Variants in CAMTA1 observed in about 807,000 individuals in gnomAD.
The protein encoded by CAMTA1 is calmodulin-binding transcription activator 1.
A neutral mutation model predicts 170.9 loss-of-function variants in CAMTA1; 27 were observed. That is an observed-to-expected ratio of 0.16 (90% confidence interval 0.12 to 0.22). The LOEUF (loss-of-function observed/expected upper bound fraction) is 0.22, where lower values mean the gene tolerates loss of function less well. Among genes scored for constraint, CAMTA1 ranks in the 10% least tolerant of loss-of-function variants. The pLI, the probability that CAMTA1 is intolerant of heterozygous loss-of-function variation, is 1.00. For synonymous variants in CAMTA1, 833 were observed against 891.5 expected (o/e 0.93, Z 1.17); for missense variants, 1,619 against 2,217.2 (o/e 0.73, Z 5.42).
At chr1:7,310,383 T>G (rs2149605066) in intron 5 of CAMTA1, among the ~76,000 whole-genome samples, 1 of 152,358 alleles carries the variant, frequency 6.6e-6, no homozygotes, top group Admixed American at 6.5e-5. Context: ...CCATACAGTC[T>G]ATATCACAAC....
intron 9 of CAMTA1, among the ~76,000 whole-genome samples, chr1:7,668,752 C>G (rs989700077): frequency 3.3e-5 from 5 of 152,216 alleles, no homozygotes; most frequent in Non-Finnish European, 7.3e-5. Context: ...CTGATGTTCT[C>G]CAGTAATTTC....
At chr1:7,199,156 GC>G (rs33983090) in intron 4 of CAMTA1, among the ~76,000 whole-genome samples, 98,326 of 151,766 alleles carry the variant, frequency 0.65, 32,426 homozygotes, top group African/African-American at 0.76. Context: ...GTTTACTGAT[GC>G]CCCCCCCAAC....
chr1:7,582,262 C>T (rs1210312050), intron 6 of CAMTA1, among the ~76,000 whole-genome samples: 2 of 152,140 alleles, frequency 1.3e-5, no homozygotes, highest in African/African-American at 2.4e-5. Flanking sequence ...TGTCAGTTTG[C>T]AGAGAGCTCT....
chr1:7,205,331 G>A (rs537752502), intron 4 of CAMTA1, among the ~76,000 whole-genome samples: 4 of 151,570 alleles, frequency 2.6e-5, no homozygotes, highest in Non-Finnish European at 5.9e-5. Flanking sequence ...TTGAACTCCT[G>A]ACCTCAGGTG....
In CAMTA1 at chr1:7,669,143, G is replaced by A. The variant is rs376623982; in HGVS notation, c.2653-1768G>A. ...CCTGAGGACACACAGCTACTGAGGC[G>A]CAGGAGCAGGCCTCCTGCTTTTGTT... On this transcript the variant is annotated intron_variant, in intron 9 of 22. Coordinates refer to ENST00000303635, the MANE Select transcript of CAMTA1 (RefSeq NM_015215.4). Among the ~76,000 whole-genome samples the A allele has an allele frequency of 7.2e-5, 11 of 152,330 alleles. No homozygotes were observed. In the East Asian group the frequency reaches 1.3e-3, roughly 19 times the overall value.
rs536145844 is a variant in CAMTA1, at chr1:7,475,360, G to C, written c.510+7459G>C. 1.3e-5 allele frequency among the ~76,000 whole-genome samples: 2 copies of C among 152,276 alleles called. 1 individual carries two copies. Among genetic ancestry groups the C allele is most frequent in the South Asian group, 4.2e-4 (2 of 4,818 alleles). On this transcript the variant is annotated intron_variant, in intron 6 of 22. Transcript: ENST00000303635. Reference sequence around the variant, plus strand: ...TTGGCGGGGGGGATTAGAGCAACAGGAGGCCTTGCTGTCAGGCTGACACTC... The same window carrying C: ...TTGGCGGGGGGGATTAGAGCAACAGCAGGCCTTGCTGTCAGGCTGACACTC...
At chr1:7,202,674 T>A (rs1457658628) in intron 4 of CAMTA1, among the ~76,000 whole-genome samples, 1 of 152,230 alleles carries the variant, frequency 6.6e-6, no homozygotes, top group Non-Finnish European at 1.5e-5. Flanking sequence ...AGTTTCACTT[T>A]CAGATTATTT....
intron 4 of CAMTA1, among the ~76,000 whole-genome samples, chr1:7,239,201 T>A (rs1369910085): frequency 6.6e-6 from 1 of 152,190 alleles, no homozygotes; most frequent in African/African-American, 2.4e-5. Flanking sequence ...ATAAGTTCTC[T>A]TTTAAAAAAA....
In CAMTA1 at chr1:7,012,950, C is replaced by T. The variant is rs145159384; in HGVS notation, c.235-78354C>T. Among the ~76,000 whole-genome samples the T allele has an allele frequency of 5.2e-3, 791 of 152,274 alleles. 7 individuals carry two copies. The highest frequency in any genetic ancestry group is 0.018 in the African/African-American group (745 of 41,558). ...TAGAACCTGAGTGTCTGTAATCTCT[C>T]CCCACATCTGATCTGGCTGCTGCTT... On this transcript the variant is annotated intron_variant, in intron 3 of 22. Transcript: ENST00000303635.
At chr1:7,624,384 G>T (rs1301782132) in intron 6 of CAMTA1, among the ~76,000 whole-genome samples, 1 of 152,230 alleles carries the variant, frequency 6.6e-6, no homozygotes, top group East Asian at 1.9e-4. Flanking sequence ...GTAGGGATTT[G>T]TGTATGAGTG....
At position 7,435,175 on chromosome 1, in the gene CAMTA1, C is replaced by T. The variant is rs2092308089; in HGVS notation, c.439-32655C>T. Reference sequence around the variant, plus strand: ...GCTCTCATGGCTTTCTCACCTCTTACAGACCCCACCTCTTAAAACAATCAC... The same window carrying T: ...GCTCTCATGGCTTTCTCACCTCTTATAGACCCCACCTCTTAAAACAATCAC... On this transcript the variant is annotated intron_variant, in intron 5 of 22. Coordinates refer to ENST00000303635, the MANE Select transcript of CAMTA1 (RefSeq NM_015215.4). This position sits in a 1 kb window ranked among gnomAD's most constrained non-coding sequence, Gnocchi z 4.4. 6.6e-6 allele frequency among the ~76,000 whole-genome samples: 1 copy of T among 152,262 alleles called. No homozygotes were observed. The highest frequency in any genetic ancestry group is 2.4e-5 in the African/African-American group (1 of 41,464).
chr1:7,484,743 C>T (rs185790858), intron 6 of CAMTA1, among the ~76,000 whole-genome samples: 149 of 151,998 alleles, frequency 9.8e-4, no homozygotes, highest in African/African-American at 3.4e-3. Flanking sequence ...GAGCTGAGAT[C>T]GCACCACTGC....
In CAMTA1 at chr1:7,025,904, C is replaced by G. The variant is rs34260773; in HGVS notation, c.235-65400C>G. Among the ~76,000 whole-genome samples the G allele has an allele frequency of 8.7e-3, 1,318 of 152,180 alleles. 10 individuals carry two copies. Among genetic ancestry groups the G allele is most frequent in the Middle Eastern group, 0.014 (4 of 292 alleles). On this transcript the variant is annotated intron_variant, in intron 3 of 22. Coordinates refer to ENST00000303635, the MANE Select transcript of CAMTA1 (RefSeq NM_015215.4). Reference sequence around the variant, plus strand: ...GGCTGAGGTGAGCAGATTGCTTGAGCCTAGGAGTTAGAGACCAGCCTGGGC... The same window carrying G: ...GGCTGAGGTGAGCAGATTGCTTGAGGCTAGGAGTTAGAGACCAGCCTGGGC...
At chr1:7,153,078 G>A (rs1032862091) in intron 4 of CAMTA1, among the ~76,000 whole-genome samples, 1 of 152,206 alleles carries the variant, frequency 6.6e-6, no homozygotes, top group Non-Finnish European at 1.5e-5. Flanking sequence ...TGGGATGCGA[G>A]GATATTGAAT....
At chr1:7,366,628 A>T (rs2085988339) in intron 5 of CAMTA1, among the ~76,000 whole-genome samples, 1 of 152,184 alleles carries the variant, frequency 6.6e-6, no homozygotes, top group African/African-American at 2.4e-5. Context: ...CACCCCACTG[A>T]TGTGTCTTTG....
intron 4 of CAMTA1, among the ~76,000 whole-genome samples, chr1:7,132,862 G>A (rs936990656): frequency 9.2e-5 from 14 of 152,072 alleles, no homozygotes; most frequent in Admixed American, 8.5e-4. Context: ...ACCTATTGAC[G>A]TGATCATATG....
At chr1:7,271,198 C>A (rs1669745267) in intron 5 of CAMTA1, among the ~76,000 whole-genome samples, 1 of 152,014 alleles carries the variant, frequency 6.6e-6, no homozygotes, top group Admixed American at 6.6e-5. Context: ...GAAGAGACAC[C>A]AGAGAGCTCA....
chr1:7,378,616 G>A (rs2087029247), intron 5 of CAMTA1, among the ~76,000 whole-genome samples: 1 of 152,134 alleles, frequency 6.6e-6, no homozygotes, highest in Non-Finnish European at 1.5e-5. Flanking sequence ...GTGGGGAGGG[G>A]CTGCTTCAGG....
intron 5 of CAMTA1, among the ~76,000 whole-genome samples, chr1:7,462,007 T>A (rs1295478865): frequency 2.0e-5 from 3 of 152,232 alleles, no homozygotes; most frequent in Non-Finnish European, 4.4e-5. Flanking sequence ...TATGCGAATG[T>A]CACTAGCAGT....
Sources: gnomAD v4.1 joint callset for allele counts (sites outside exome capture counted in the v4.1 genomes callset) on GRCh38, gnomAD v4.1.1 for gene constraint, Gnocchi (gnomAD v3.1) non-coding constraint, MANE v1.5 for transcripts, NCBI Gene and HGNC (gene_info 2026-07-23, HGNC 2026-07-21) for gene names.